Variants in DPYD observed in about 807,000 individuals in gnomAD.
The protein encoded by DPYD is dihydropyrimidine dehydrogenase [NADP(+)].
Under a neutral mutation model 116.2 loss-of-function variants are expected in DPYD, and 109 were observed. The ratio of observed to expected loss-of-function variants is 0.94; its 90% confidence interval spans 0.80 to 1.10. The LOEUF is 1.10. Ranked by LOEUF, DPYD falls within the 50% of genes least tolerant of loss-of-function variation. The pLI is 0.00. For synonymous variants in DPYD, 440 were observed against 432.0 expected, an observed-to-expected ratio of 1.02 and a Z score of -0.23; for missense variants, 1,302 against 1,254.5, an observed-to-expected ratio of 1.04 and a Z score of -0.57.
intron 8 of DPYD, among the ~76,000 whole-genome samples, chr1:97,647,383 A>G (rs1311637596): frequency 6.6e-6 from 1 of 152,038 alleles, no homozygotes; most frequent in Admixed American, 6.6e-5. Flanking sequence ...AATGAAAGAT[A>G]AATTCTCTTG....
intron 3 of DPYD, among the ~76,000 whole-genome samples, chr1:97,764,815 C>T (rs1366492211): frequency 6.6e-6 from 1 of 151,910 alleles, no homozygotes; most frequent in Non-Finnish European, 1.5e-5. Context: ...TATTTGAAAG[C>T]GATGTTAATT....
At chr1:97,570,834 C>A (rs140763051) in intron 11 of DPYD, among the ~76,000 whole-genome samples, 1,741 of 151,912 alleles carry the variant, frequency 0.011, 40 homozygotes, top group African/African-American at 0.04. Flanking sequence ...AAAGCCCATG[C>A]AATGACTCGC....
chr1:97,600,297 C>T (rs1571035999), intron 8 of DPYD, among the ~76,000 whole-genome samples: 1 of 152,286 alleles, frequency 6.6e-6, no homozygotes, highest in East Asian at 1.9e-4. Context: ...TTATGTTACT[C>T]AGTCCTTATT....
At chr1:97,545,358 A>C (rs1321138661) in intron 12 of DPYD, among the ~76,000 whole-genome samples, 1 of 152,210 alleles carries the variant, frequency 6.6e-6, no homozygotes, top group Non-Finnish European at 1.5e-5. Context: ...GTAAAAGAAG[A>C]AGCCATCAGC....
In DPYD at chr1:97,490,365, TATC is replaced by T. The variant is rs575155055; in HGVS notation, c.1740+25358_1740+25360del. Among the ~76,000 whole-genome samples the T allele has an allele frequency of 2.8e-3, 409 of 147,948 alleles. 3 individuals are homozygous for T. Among genetic ancestry groups the T allele is most frequent in the African/African-American group, 9.7e-3 (394 of 40,738 alleles). ...TTATATATTACATAGTATATTATAT[TATC>T]ATATATATTATTAACATATATATTA... On this transcript the variant is annotated intron_variant, in intron 13 of 22. Transcript: ENST00000370192.
At chr1:97,549,377 A>G (rs1651144604) in intron 12 of DPYD, among the ~76,000 whole-genome samples, 183 bp downstream of exon 12, 1 of 152,090 alleles carries the variant, frequency 6.6e-6, no homozygotes, top group South Asian at 2.1e-4. Flanking sequence ...CCAATTTTTA[A>G]TCAACTCAAC....
At chr1:97,083,403 A>T (rs1455206032) in intron 21 of DPYD, among the ~76,000 whole-genome samples, 1 of 152,090 alleles carries the variant, frequency 6.6e-6, no homozygotes, top group African/African-American at 2.4e-5. Context: ...CTATTTTTAT[A>T]ATCTTGCTTA....
intron 13 of DPYD, among the ~76,000 whole-genome samples, chr1:97,482,246 T>C (rs1013600494): frequency 2.0e-5 from 3 of 152,320 alleles, no homozygotes; most frequent in Admixed American, 6.5e-5. Flanking sequence ...CCCATTGCAT[T>C]AAACTGTCTT....
At chr1:97,785,423 T>C (rs947871254) in intron 3 of DPYD, among the ~76,000 whole-genome samples, 3 of 152,148 alleles carry the variant, frequency 2.0e-5, no homozygotes, top group Admixed American at 1.3e-4. Context: ...TCAATTTGAA[T>C]ATATATTTAA....
intron 16 of DPYD, among the ~76,000 whole-genome samples, chr1:97,361,616 C>T (rs1345390251): frequency 6.6e-6 from 1 of 152,138 alleles, no homozygotes; most frequent in Non-Finnish European, 1.5e-5. Flanking sequence ...ACGATCAAGT[C>T]AACTTCATCC....
At chr1:97,643,843 G>A (rs111276146) in intron 8 of DPYD, among the ~76,000 whole-genome samples, 7,116 of 152,042 alleles carry the variant, frequency 0.047, 259 homozygotes, top group Middle Eastern at 0.085. Flanking sequence ...ACAGAAAACC[G>A]AACACTGCAT....
chr1:97,340,769 C>T (rs1000391), intron 16 of DPYD, among the ~76,000 whole-genome samples: 8,138 of 152,114 alleles, frequency 0.053, 712 homozygotes, highest in African/African-American at 0.18. Context: ...ACAGTAAATA[C>T]GTAGATAAGT....
rs147288613 is a variant in DPYD at position 97,857,408 on chromosome 1, G to A, written c.150+25856C>T. The stretch of plus-strand genomic sequence containing the variant: ...CAAAAAGACCAAGCCATGATTAAAG[G>A]ATTGGAACTTTGAGCCCCATCCCCC... On this transcript the variant is annotated intron_variant, in intron 2 of 22. Transcript: ENST00000370192. 1.9e-3 allele frequency among the ~76,000 whole-genome samples: 292 copies of A among 152,254 alleles called. 1 individual carries two copies. Among genetic ancestry groups the A allele is most frequent in the South Asian group, 5.6e-3 (27 of 4,826 alleles).
chr1:97,779,844 C>T (rs1047349110), intron 3 of DPYD, among the ~76,000 whole-genome samples: 12 of 152,100 alleles, frequency 7.9e-5, no homozygotes, highest in African/African-American at 2.4e-4. Context: ...AGTTGAACAA[C>T]TAGAACCAAC....
chr1:97,290,282 T>C (rs1213423132), intron 18 of DPYD, among the ~76,000 whole-genome samples: 1 of 152,056 alleles, frequency 6.6e-6, no homozygotes, highest in Non-Finnish European at 1.5e-5. Flanking sequence ...ACAGATTCAA[T>C]GCCATCCCCA....
chr1:97,896,230 C>G (rs1411022999), intron 1 of DPYD, among the ~76,000 whole-genome samples: 4 of 151,732 alleles, frequency 2.6e-5, no homozygotes, highest in Non-Finnish European at 5.9e-5. Context: ...TAGTGTTAGT[C>G]TCTTATATAA....
intron 20 of DPYD, among the ~76,000 whole-genome samples, chr1:97,146,268 C>A (rs912026338): frequency 6.6e-6 from 1 of 152,216 alleles, no homozygotes; most frequent in East Asian, 1.9e-4. Flanking sequence ...TTTTCACTTG[C>A]CCATAAAAAT....
intron 8 of DPYD, among the ~76,000 whole-genome samples, chr1:97,614,218 G>T (rs969390759): frequency 6.6e-6 from 1 of 151,968 alleles, no homozygotes; most frequent in Admixed American, 6.6e-5. Flanking sequence ...GATAACCCGA[G>T]ATTTTATTTA....
rs1029237195 is a variant in DPYD, at chr1:97,313,497, C to G, written c.2059-7200G>C. Among the ~76,000 whole-genome samples, 3 of 148,726 alleles carry G rather than the reference C, an allele frequency of 2.0e-5. No homozygotes were observed. In the South Asian group the frequency reaches 6.4e-4, roughly 32 times the overall value. Reference sequence around the variant, plus strand: ...ATACCTGGAATGTGTACATGTGTGCCTGTGTGTGTGTGTGTGTGTGTGTGT... The same window carrying G: ...ATACCTGGAATGTGTACATGTGTGCGTGTGTGTGTGTGTGTGTGTGTGTGT... On this transcript the variant is annotated intron_variant, in intron 16 of 22. Transcript: ENST00000370192.
Sources: gnomAD v4.1 joint callset for allele counts (sites outside exome capture counted in the v4.1 genomes callset) on GRCh38, gnomAD v4.1.1 for gene constraint, MANE v1.5 for transcripts, NCBI Gene and HGNC (gene_info 2026-07-23, HGNC 2026-07-21) for gene names.